Variants in UTRN observed in about 807,000 individuals in gnomAD.
UTRN encodes the protein utrophin.
A neutral mutation model predicts 463.9 loss-of-function variants in UTRN; 283 were observed. That is an observed-to-expected ratio of 0.61 (90% CI 0.55 to 0.67). The LOEUF (loss-of-function observed/expected upper bound fraction) is 0.67, where lower values mean the gene tolerates loss of function less well. UTRN is among the 30% of genes least tolerant of loss of function. UTRN has a pLI of 0.00. For synonymous variants in UTRN, 1,442 were observed against 1,431.5 expected (o/e 1.01, Z -0.17); for missense variants, 3,922 against 4,084.3 (o/e 0.96, Z 1.08).
intron 51 of UTRN, among the ~76,000 whole-genome samples, chr6:144,586,995 G>A (rs1013354337): frequency 2.6e-5 from 4 of 152,112 alleles, no homozygotes; most frequent in African/African-American, 9.7e-5. Context: ...GCTGTATATA[G>A]ATGTGTATTC....
chr6:144,810,863 A>G (rs536704195), intron 65 of UTRN, among the ~76,000 whole-genome samples: 4 of 152,330 alleles, frequency 2.6e-5, no homozygotes, highest in Non-Finnish European at 5.9e-5. Context: ...CAGGAAAAAA[A>G]TACCTCAATG....
intron 25 of UTRN, among the ~76,000 whole-genome samples, chr6:144,477,787 G>A (rs1439069948): frequency 6.6e-6 from 1 of 152,126 alleles, no homozygotes; most frequent in Non-Finnish European, 1.5e-5. Context: ...TGTGCCTTAA[G>A]GAACTGGGGT....
chr6:144,434,371 G>A (rs935175235), intron 9 of UTRN, among the ~76,000 whole-genome samples: 3 of 151,824 alleles, frequency 2.0e-5, no homozygotes, highest in Admixed American at 2.0e-4. Context: ...AGGGAGCGAA[G>A]TTTTGAAGGA....
chr6:144,313,836 G>A (rs1239817572), intron 2 of UTRN, among the ~76,000 whole-genome samples: 5 of 152,158 alleles, frequency 3.3e-5, no homozygotes, highest in Non-Finnish European at 7.3e-5. Flanking sequence ...TTAAGGCAAG[G>A]TCCTTGCTTG....
rs1304727334 is a variant in UTRN, at chr6:144,533,176, A to T, written c.6149A>T (p.Asp2050Val). The T allele has an allele frequency of 6.2e-7, 1 of 1,614,172 alleles. No individual in the cohort carries two copies. Among genetic ancestry groups the T allele is most frequent in the African/African-American group, 1.3e-5 (1 of 75,050 alleles). The stretch of plus-strand genomic sequence containing the variant: ...ATTGTGCAGAAACTCTCCCAGGCAG[A>T]TGGAAGCTTCTTGAAAGAAAAACTG... ...DGIVQKLSQA[D>V]GSFLKEKLAG... The change falls in exon 43 of 75, where the codon GAT becomes GTT. Residue 2050 changes from aspartate to valine, a missense_variant. Transcript: ENST00000367545.
intron 51 of UTRN, among the ~76,000 whole-genome samples, chr6:144,662,960 T>TTTGGCA (rs1780016202): frequency 6.6e-6 from 1 of 152,214 alleles, no homozygotes; most frequent in Admixed American, 6.5e-5. Flanking sequence ...TGGCATGTGG[T>TTTGGCA]TGAGCACCTT....
intron 60 of UTRN, among the ~76,000 whole-genome samples, chr6:144,781,345 T>C (rs1013459300): frequency 1.3e-5 from 2 of 152,214 alleles, no homozygotes; most frequent in African/African-American, 2.4e-5. Flanking sequence ...GACAATCTTA[T>C]AGATCGGGCT....
intron 50 of UTRN, among the ~76,000 whole-genome samples, chr6:144,558,311 A>G (rs1799567036): frequency 6.6e-6 from 1 of 152,206 alleles, no homozygotes. Context: ...TACCTTGGAT[A>G]CTGGAGAAAA....
intron 23 of UTRN, among the ~76,000 whole-genome samples, chr6:144,470,068 A>G (rs1001007340): frequency 8.5e-5 from 13 of 152,220 alleles, no homozygotes; most frequent in Non-Finnish European, 1.3e-4. Flanking sequence ...TTTTCTTAGT[A>G]CAGAACAAAA....
At chr6:144,363,325 G>A (rs981229059) in intron 2 of UTRN, among the ~76,000 whole-genome samples, 1 of 152,126 alleles carries the variant, frequency 6.6e-6, no homozygotes, top group African/African-American at 2.4e-5. Context: ...TTGGTATAGC[G>A]ACCTAACACA....
At chr6:144,848,065 G>A (rs1255818290) in intron 74 of UTRN, among the ~76,000 whole-genome samples, 3 of 152,160 alleles carry the variant, frequency 2.0e-5, no homozygotes, top group Admixed American at 2.0e-4. Context: ...GGCTAGGGGT[G>A]TGGTGAGCTG....
chr6:144,459,601 T>A (rs1789206659), intron 21 of UTRN, among the ~76,000 whole-genome samples: 1 of 152,130 alleles, frequency 6.6e-6, no homozygotes, highest in African/African-American at 2.4e-5. Flanking sequence ...AATAATAATT[T>A]TTTTTTTTGT....
At chr6:144,302,188 T>G (rs1470023938) in intron 2 of UTRN, among the ~76,000 whole-genome samples, 3 of 152,154 alleles carry the variant, frequency 2.0e-5, no homozygotes, top group African/African-American at 7.2e-5. Context: ...AGCCTTTAGC[T>G]TAGTCTCCAC....
intron 51 of UTRN, among the ~76,000 whole-genome samples, chr6:144,619,744 A>G (rs1775144093): frequency 6.6e-6 from 1 of 152,228 alleles, no homozygotes; most frequent in Non-Finnish European, 1.5e-5. Flanking sequence ...AGAAGAAGAC[A>G]AAGTTAGATG....
At chr6:144,337,118 CACAG>C (rs1430984400) in intron 2 of UTRN, among the ~76,000 whole-genome samples, 2 of 151,880 alleles carry the variant, frequency 1.3e-5, no homozygotes, top group African/African-American at 2.4e-5. Context: ...ACACAACACA[CACAG>C]ACACACACAC....
chr6:144,656,480 C>T (rs1025264618), intron 51 of UTRN, among the ~76,000 whole-genome samples: 8 of 152,162 alleles, frequency 5.3e-5, no homozygotes, highest in South Asian at 2.1e-4. Flanking sequence ...GGCACGATCT[C>T]GGCTCACTGC....
chr6:144,584,172 T>C (rs1802241676), intron 51 of UTRN, among the ~76,000 whole-genome samples: 1 of 152,198 alleles, frequency 6.6e-6, no homozygotes, highest in Non-Finnish European at 1.5e-5. Flanking sequence ...ATGGATGAAT[T>C]AAGTAGACTT....
Position 144,678,594 on chromosome 6 carries a change from A to G in UTRN, c.7652+16A>G. 6.4e-7 allele frequency: 1 copy of G among 1,571,806 alleles called. No homozygotes were observed. ...CTAGCATCAGGTCAGAATAGTCAATATCAAAATAAAAATAATGGGGTGGAA... is the reference window on the plus strand; with the variant it reads ...CTAGCATCAGGTCAGAATAGTCAATGTCAAAATAAAAATAATGGGGTGGAA... On this transcript the variant is annotated intron_variant, in intron 52 of 74. Transcript: ENST00000367545.
chr6:144,837,840 T>G (rs938530740), intron 71 of UTRN, among the ~76,000 whole-genome samples: 1 of 152,202 alleles, frequency 6.6e-6, no homozygotes, highest in African/African-American at 2.4e-5. Flanking sequence ...GTGAGGCTGT[T>G]CAATGGAAGG....
Sources: allele counts gnomAD v4.1 joint callset (sites outside exome capture counted in the v4.1 genomes callset), GRCh38; gene constraint gnomAD v4.1.1; transcripts MANE v1.5; gene names NCBI Gene and HGNC (gene_info 2026-07-23, HGNC 2026-07-21).